KLHL22: variants seen among roughly 807,000 people sequenced by gnomAD.
KLHL22 encodes kelch like family member 22, also known as kelch-like protein 22.
Under a neutral mutation model 60.7 loss-of-function variants are expected in KLHL22, and 18 were observed. The ratio of observed to expected loss-of-function variants is 0.30; its 90% CI spans 0.20 to 0.44. KLHL22 has a LOEUF of 0.44. Ranked by LOEUF, KLHL22 falls within the 20% of genes least tolerant of loss-of-function variation. The pLI, the probability that KLHL22 is intolerant of heterozygous loss-of-function variation, is 1.00. For synonymous variants in KLHL22, 355 were observed against 354.5 expected, an observed-to-expected ratio of 1.00 and a Z score of -0.01; for missense variants, 596 against 852.3, an observed-to-expected ratio of 0.70 and a Z score of 3.74.
Position 20,465,347 on chromosome 22 carries a change from G to T in KLHL22, c.623C>A (p.Ser208Tyr). Residue 208 changes from serine to tyrosine, a missense_variant, in exon 4 of 7, where the codon TCC (serine) becomes TAC (tyrosine). By Grantham distance (144) the Ser-to-Tyr change is moderately radical (BLOSUM62 -2). Transcript: ENST00000328879. The surrounding 1 kb of genome is among the most constrained non-coding windows in gnomAD (Gnocchi z 4.9). ...CCCCTCATATACCTCGGTCTCGCAG[G>T]AGACCTCCAGGCGATTGCTGCTGAG... is the stretch of plus-strand genomic sequence containing the variant. ...SLLSSNRLEV[S>Y]CETEVYEGAL... The T allele has an allele frequency of 6.2e-7, 1 of 1,614,140 alleles. No homozygotes were observed. The highest frequency in any genetic ancestry group is 8.5e-7 in the Non-Finnish European group (1 of 1,180,016).
At chr22:20,464,593 G>A (rs2053201850) in intron 4 of KLHL22, among the ~76,000 whole-genome samples, 1 of 152,118 alleles carries the variant, frequency 6.6e-6, no homozygotes, top group Non-Finnish European at 1.5e-5. Flanking sequence ...TCGCAACCTA[G>A]CCTACCCCAA....
chr22:20,456,775 A>C (rs1332761221), intron 5 of KLHL22, among the ~76,000 whole-genome samples: 1 of 152,220 alleles, frequency 6.6e-6, no homozygotes, highest in Admixed American at 6.5e-5. Flanking sequence ...GAAGAGCTGG[A>C]TCCATTGAGG....
At chr22:20,450,015 C>T in intron 5 of KLHL22, 1 of 611,394 alleles carries the variant, frequency 1.6e-6, no homozygotes, top group Non-Finnish European at 3.0e-6. Context: ...ACCCGCACCC[C>T]ACTCCATCCC....
intron 5 of KLHL22, among the ~76,000 whole-genome samples, chr22:20,457,163 C>T (rs2053076198): frequency 6.6e-6 from 1 of 152,006 alleles, no homozygotes; most frequent in South Asian, 2.1e-4. Context: ...ACCCCAAAGT[C>T]GTAAGATAAA....
intron 2 of KLHL22, among the ~76,000 whole-genome samples, chr22:20,474,061 G>A (rs2053369773): frequency 6.6e-6 from 1 of 152,042 alleles, no homozygotes; most frequent in Non-Finnish European, 1.5e-5. Flanking sequence ...GTGCAGTGGT[G>A]CGATCTTGGC....
intron 5 of KLHL22, chr22:20,450,418 G>GA (rs1272155546): frequency 1.3e-6 from 2 of 1,510,812 alleles, no homozygotes; most frequent in African/African-American, 2.7e-5. Context: ...ATGTGACATG[G>GA]AGAATGTACA....
chr22:20,461,992 G>C (rs997738216), intron 4 of KLHL22, among the ~76,000 whole-genome samples: 4 of 152,158 alleles, frequency 2.6e-5, no homozygotes, highest in African/African-American at 9.7e-5. Flanking sequence ...CAGCCACTCG[G>C]GAGGCTGAGG....
intron 4 of KLHL22, among the ~76,000 whole-genome samples, chr22:20,459,328 C>T (rs1396766614): frequency 6.6e-6 from 1 of 152,162 alleles, no homozygotes; most frequent in African/African-American, 2.4e-5. Flanking sequence ...GTGTGGCCAG[C>T]CCCTCCCCGC....
chr22:20,492,594 C>CT (rs528646242), intron 1 of KLHL22, among the ~76,000 whole-genome samples: 267 of 144,750 alleles, frequency 1.8e-3, no homozygotes, highest in African/African-American at 2.6e-3. Flanking sequence ...CAAACCTGCC[C>CT]TTTTTTTTTT....
At chr22:20,455,779 G>A (rs1249235825) in intron 5 of KLHL22, among the ~76,000 whole-genome samples, 1 of 152,194 alleles carries the variant, frequency 6.6e-6, no homozygotes, top group African/African-American at 2.4e-5. Context: ...AATGAGACAT[G>A]CGATAAATAC....
At chr22:20,473,074 A>G (rs756443680) in intron 2 of KLHL22, among the ~76,000 whole-genome samples, 22 of 152,206 alleles carry the variant, frequency 1.4e-4, no homozygotes, top group Non-Finnish European at 2.9e-4. Context: ...TCTGAGCATT[A>G]TGGGATGCTC....
intron 5 of KLHL22, among the ~76,000 whole-genome samples, chr22:20,457,336 G>A (rs1466930333): frequency 6.6e-6 from 1 of 152,024 alleles, no homozygotes; most frequent in African/African-American, 2.4e-5. Flanking sequence ...AAACCTTAGA[G>A]TGTTTCTTGG....
intron 3 of KLHL22, among the ~76,000 whole-genome samples, chr22:20,467,504 G>A (rs1253159036): frequency 6.6e-6 from 1 of 152,078 alleles, no homozygotes; most frequent in Non-Finnish European, 1.5e-5. Context: ...AGGATGCTGT[G>A]GGGTCCCCTC....
chr22:20,471,802 T>C (rs986960775), intron 2 of KLHL22, among the ~76,000 whole-genome samples: 3 of 152,344 alleles, frequency 2.0e-5, no homozygotes, highest in East Asian at 1.9e-4. Flanking sequence ...AGCTTGCTTC[T>C]GCTGTGTTCA....
intron 3 of KLHL22, 26 bp downstream of exon 3, chr22:20,471,324 G>C: frequency 6.2e-7 from 1 of 1,608,066 alleles, no homozygotes; most frequent in Non-Finnish European, 8.5e-7. Context: ...GTGTGGGTCT[G>C]CCTTGCTAGA....
At chr22:20,447,285 C>T (rs769489728) in intron 5 of KLHL22, among the ~76,000 whole-genome samples, 7 of 152,208 alleles carry the variant, frequency 4.6e-5, no homozygotes, top group African/African-American at 7.2e-5. Flanking sequence ...CTACCACTTC[C>T]GGAACCCACC....
intron 2 of KLHL22, among the ~76,000 whole-genome samples, chr22:20,486,966 C>A (rs1350819842): frequency 6.6e-6 from 1 of 152,048 alleles, no homozygotes; most frequent in Non-Finnish European, 1.5e-5. Flanking sequence ...TAGGAGTGAG[C>A]CACCAAGCCT....
chr22:20,448,155 T>G (rs2052908184), intron 5 of KLHL22, among the ~76,000 whole-genome samples: 1 of 152,224 alleles, frequency 6.6e-6, no homozygotes, highest in Non-Finnish European at 1.5e-5. Context: ...TTGTCTGAAT[T>G]AAATCAGTAT....
In KLHL22 at chr22:20,442,012, C is replaced by T. The variant is rs112678330; in HGVS notation, c.*61G>A. 2.7e-4 allele frequency: 392 copies of T among 1,477,900 alleles called. No homozygotes were observed. The African/African-American group carries it at 3.1e-3, about 12-fold the overall frequency. The allele number at this position is 1,477,900 out of a possible 1,614,324, so 91.5% of individuals were successfully genotyped here. A position where few individuals can be genotyped will look rare whatever the true frequency, so the allele number is the denominator to read the frequency against. On this transcript the variant is annotated 3_prime_UTR_variant, in exon 7 of 7. Transcript: ENST00000328879. ...GAGTAAAGTGCTCTGGCCTAGGCTG[C>T]GTGGGTTTCACTGCCCTGCAGCCCC...
Sources: gnomAD v4.1 joint callset for allele counts (sites outside exome capture counted in the v4.1 genomes callset) on GRCh38, gnomAD v4.1.1 for gene constraint, Gnocchi (gnomAD v3.1) non-coding constraint, MANE v1.5 for transcripts, NCBI Gene and HGNC (gene_info 2026-07-23, HGNC 2026-07-21) for gene names.